The following GRIN3A variants were observed in gnomAD, a reference collection of about 807,000 sequenced individuals.
GRIN3A encodes the protein glutamate receptor ionotropic, NMDA 3A.
Under a neutral mutation model 92.4 loss-of-function variants are expected in GRIN3A, and 47 were observed. The observed-to-expected ratio is 0.51, with a 90% CI of 0.40 to 0.65. The LOEUF (loss-of-function observed/expected upper bound fraction) is 0.65. Ranked by LOEUF, GRIN3A falls within the 30% of genes least tolerant of loss-of-function variation. GRIN3A has a pLI of 0.00. For missense variants in GRIN3A, 1,324 were observed against 1,393.1 expected (o/e 0.95, Z 0.79); for synonymous variants, 527 against 540.6 (o/e 0.97, Z 0.35).
At chr9:101,628,467 T>A in intron 3 of GRIN3A, 66 bp from the exon 4 acceptor site, 13 of 1,495,628 alleles carry the variant, frequency 8.7e-6, no homozygotes, top group Non-Finnish European at 1.2e-5. Context: ...TAACATTTTT[T>A]TCATAATTCT....
intron 2 of GRIN3A, among the ~76,000 whole-genome samples, chr9:101,677,512 T>G (rs1442928999): frequency 6.6e-6 from 1 of 152,108 alleles, no homozygotes; most frequent in Non-Finnish European, 1.5e-5. Context: ...ATTTACTATT[T>G]GTCGCCATTC....
chr9:101,733,454 A>G (rs939450446), intron 1 of GRIN3A, among the ~76,000 whole-genome samples: 1 of 152,224 alleles, frequency 6.6e-6, no homozygotes, highest in Admixed American at 6.5e-5. Flanking sequence ...TTAATTTGAA[A>G]TTGTTTATCT....
intron 1 of GRIN3A, among the ~76,000 whole-genome samples, chr9:101,690,052 G>A (rs1829595595): frequency 6.6e-6 from 1 of 152,110 alleles, no homozygotes; most frequent in African/African-American, 2.4e-5. Flanking sequence ...CAGATAGAGT[G>A]AAACTGCCTT....
At chr9:101,675,712 A>AT (rs548539268) in intron 2 of GRIN3A, among the ~76,000 whole-genome samples, 1 of 151,264 alleles carries the variant, frequency 6.6e-6, no homozygotes, top group East Asian at 2.0e-4. Context: ...GATTTATTGT[A>AT]TTTTTCACAT....
At chr9:101,616,254 A>C (rs1312507455) in intron 5 of GRIN3A, among the ~76,000 whole-genome samples, 1 of 152,242 alleles carries the variant, frequency 6.6e-6, no homozygotes, top group Admixed American at 6.5e-5. Flanking sequence ...GTGTTTGTGC[A>C]GTTGAATTGG....
At chr9:101,698,055 A>T (rs1221998549) in intron 1 of GRIN3A, among the ~76,000 whole-genome samples, 2 of 152,134 alleles carry the variant, frequency 1.3e-5, no homozygotes, top group Admixed American at 1.3e-4. Flanking sequence ...GAAGTTACTA[A>T]TTTTTCTTCT....
chr9:101,735,984 C>T (rs1013464282), intron 1 of GRIN3A, among the ~76,000 whole-genome samples: 3 of 152,122 alleles, frequency 2.0e-5, no homozygotes, highest in African/African-American at 7.2e-5. Flanking sequence ...TTATTTTCTT[C>T]TAGAAAAAGA....
At chr9:101,695,939 T>C (rs1257476176) in intron 1 of GRIN3A, among the ~76,000 whole-genome samples, 1 of 152,182 alleles carries the variant, frequency 6.6e-6, no homozygotes, top group East Asian at 1.9e-4. Flanking sequence ...GTTAGGTACT[T>C]GCTATCCCTT....
chr9:101,612,987 A>C (rs1828387248), intron 6 of GRIN3A, among the ~76,000 whole-genome samples: 1 of 152,232 alleles, frequency 6.6e-6, no homozygotes, highest in Non-Finnish European at 1.5e-5. Context: ...CAATGTTTTG[A>C]TTAGATTTTG....
chr9:101,737,684 C>T lies in GRIN3A; in HGVS notation c.296G>A (p.Gly99Glu). The T allele has an allele frequency of 6.4e-7, 1 of 1,572,722 alleles. No individual in the cohort carries two copies. The highest frequency in any genetic ancestry group is 8.6e-7 in the Non-Finnish European group (1 of 1,163,146). Residue 99 changes from glycine to glutamate, a missense_variant, in exon 1 of 9, where the codon GGG becomes GAG. Gly to Glu is a moderately conservative substitution (Grantham distance 98). Coordinates refer to ENST00000361820, the MANE Select transcript of GRIN3A (RefSeq NM_133445.3). ...PAPSPGARWLGSTLHGRGPPG... is the reference protein window; with the variant it reads ...PAPSPGARWLESTLHGRGPPG... The stretch of plus-strand genomic sequence containing the variant: ...CGGCCCCCGGCCATGCAGGGTGCTC[C>T]CCAACCAGCGTGCGCCCGGCGAGGG...
At chr9:101,595,026 G>T in intron 6 of GRIN3A, 1 of 1,331,426 alleles carries the variant, frequency 7.5e-7, no homozygotes, top group Non-Finnish European at 1.0e-6. Flanking sequence ...TGGGGTGGGG[G>T]TAGAGGGCTC....
intron 4 of GRIN3A, among the ~76,000 whole-genome samples, chr9:101,626,592 CTCAA>C (rs770762156): frequency 7.2e-5 from 11 of 152,272 alleles, no homozygotes; most frequent in Non-Finnish European, 1.2e-4. Context: ...CCAATTTCAC[CTCAA>C]TCAGTGAATT....
intron 1 of GRIN3A, among the ~76,000 whole-genome samples, chr9:101,702,878 T>A (rs1171023077): frequency 1.3e-5 from 2 of 152,156 alleles, no homozygotes; most frequent in African/African-American, 4.8e-5. Flanking sequence ...AACGAAGAAA[T>A]CAGCTTTTAA....
chr9:101,607,758 T>C (rs1199572808), intron 6 of GRIN3A, among the ~76,000 whole-genome samples: 1 of 152,218 alleles, frequency 6.6e-6, no homozygotes, highest in African/African-American at 2.4e-5. Flanking sequence ...CCCGGCAGTG[T>C]ATGACATTTG....
chr9:101,645,284 A>C (rs1381313548), intron 3 of GRIN3A, among the ~76,000 whole-genome samples: 32 of 151,780 alleles, frequency 2.1e-4, no homozygotes, highest in Admixed American at 2.1e-3. Flanking sequence ...TATTTTACTT[A>C]AACTAATGAC....
At chr9:101,612,932 A>G (rs1448883594) in intron 6 of GRIN3A, among the ~76,000 whole-genome samples, 1 of 152,246 alleles carries the variant, frequency 6.6e-6, no homozygotes, top group Non-Finnish European at 1.5e-5. Context: ...ATTTTTCTAC[A>G]TCCACAAAGG....
At chr9:101,683,448 C>A (rs1317064746) in intron 2 of GRIN3A, among the ~76,000 whole-genome samples, 2 of 152,286 alleles carry the variant, frequency 1.3e-5, no homozygotes, top group East Asian at 3.9e-4. Flanking sequence ...AACTTACTTT[C>A]TGAAAGACTG....
chr9:101,731,543 T>C (rs1830139612), intron 1 of GRIN3A, among the ~76,000 whole-genome samples: 1 of 152,172 alleles, frequency 6.6e-6, no homozygotes, highest in Non-Finnish European at 1.5e-5. Flanking sequence ...CTCTACCACA[T>C]GAACCCTTGC....
chr9:101,594,801 C>T (rs1443460162), intron 6 of GRIN3A: 2 of 1,612,990 alleles, frequency 1.2e-6, no homozygotes, highest in Non-Finnish European at 1.7e-6. Flanking sequence ...ATGAACTCCT[C>T]CACGCTCAGA....
Sources: allele counts gnomAD v4.1 joint callset (sites outside exome capture counted in the v4.1 genomes callset), GRCh38; gene constraint gnomAD v4.1.1; transcripts MANE v1.5; gene names NCBI Gene and HGNC (gene_info 2026-07-23, HGNC 2026-07-21).